Variants in DPP6 observed in about 807,000 individuals in gnomAD.
The protein encoded by DPP6 is dipeptidyl peptidase like 6.
A neutral mutation model predicts 122.6 loss-of-function variants in DPP6; 69 were observed. That is an observed-to-expected ratio of 0.56 (90% CI 0.46 to 0.69). DPP6 has a LOEUF of 0.69. DPP6 is among the 30% of genes least tolerant of loss of function. The pLI is 0.00. For synonymous variants in DPP6, 418 were observed against 433.1 expected (o/e 0.97, Z 0.43); for missense variants, 928 against 1,116.9 (o/e 0.83, Z 2.41).
At chr7:153,859,991 G>T in the DPP6 span, among the ~76,000 whole-genome samples, 1 of 152,128 alleles carries the variant, frequency 6.6e-6, no homozygotes, top group Non-Finnish European at 1.5e-5. Context: ...GTGGGAACAC[G>T]GAGCCAAACC....
intron 1 of DPP6, among the ~76,000 whole-genome samples, chr7:154,127,634 GACAC>G (rs1045351086): frequency 2.9e-3 from 174 of 59,688 alleles, no homozygotes; most frequent in African/African-American, 6.2e-3. Context: ...CACACACACA[GACAC>G]ACACACACAC....
chr7:154,360,937 G>A (rs1027992352), intron 1 of DPP6, among the ~76,000 whole-genome samples: 2 of 152,196 alleles, frequency 1.3e-5, no homozygotes, highest in Admixed American at 6.5e-5. Context: ...CCTACGAGAA[G>A]ATTTGAGTGT....
intron 1 of DPP6, among the ~76,000 whole-genome samples, chr7:154,319,270 T>C (rs1396795039): frequency 1.3e-5 from 2 of 152,164 alleles, no homozygotes; most frequent in Non-Finnish European, 2.9e-5. Flanking sequence ...ATTGTTTTGC[T>C]CTAACACAGG....
At chr7:154,348,604 T>C (rs1319196562) in intron 1 of DPP6, among the ~76,000 whole-genome samples, 2 of 152,182 alleles carry the variant, frequency 1.3e-5, no homozygotes, top group Non-Finnish European at 2.9e-5. Context: ...TTGCACAGCA[T>C]CTTCATCTCA....
At chr7:154,716,960 A>G (rs139608550) in intron 7 of DPP6, among the ~76,000 whole-genome samples, 3 of 151,984 alleles carry the variant, frequency 2.0e-5, no homozygotes, top group Non-Finnish European at 4.4e-5. Flanking sequence ...CAGCCTCCCA[A>G]GTAACTGGGA....
At chr7:153,839,359 A>G in the DPP6 span, among the ~76,000 whole-genome samples, 3 of 152,216 alleles carry the variant, frequency 2.0e-5, no homozygotes, top group Non-Finnish European at 4.4e-5. Context: ...GAGGTTTCAC[A>G]CATTATTTCT....
chr7:154,748,222 A>G (rs897420841), intron 8 of DPP6, among the ~76,000 whole-genome samples: 1 of 152,184 alleles, frequency 6.6e-6, no homozygotes, highest in African/African-American at 2.4e-5. Context: ...GGGTGTTGGG[A>G]GTCGGCTTGC....
chr7:153,820,148 G>T, the DPP6 span, among the ~76,000 whole-genome samples: 4 of 152,142 alleles, frequency 2.6e-5, no homozygotes, highest in Non-Finnish European at 4.4e-5. Context: ...AGGTTCCTTT[G>T]TGATTTTGGA....
chr7:153,948,530 C>T (rs11972401), intron 1 of DPP6, among the ~76,000 whole-genome samples: 24,901 of 151,770 alleles, frequency 0.16, 2,231 homozygotes, highest in African/African-American at 0.24. Context: ...TTCCAGGCTC[C>T]GACCAAAACA....
chr7:154,105,927 C>T (rs921476815), intron 1 of DPP6, among the ~76,000 whole-genome samples: 5 of 149,886 alleles, frequency 3.3e-5, no homozygotes, highest in African/African-American at 1.3e-4. Flanking sequence ...GCAGGCTCTT[C>T]AGGGCATGGC....
chr7:153,933,717 A>ACG (rs1490334682), intron 1 of DPP6, among the ~76,000 whole-genome samples: 6 of 151,124 alleles, frequency 4.0e-5, no homozygotes, highest in African/African-American at 1.2e-4. Context: ...ACACACACAC[A>ACG]CCTGCATAGA....
intron 1 of DPP6, among the ~76,000 whole-genome samples, chr7:154,140,521 A>T (rs1335268903): frequency 6.6e-6 from 1 of 152,126 alleles, no homozygotes; most frequent in Non-Finnish European, 1.5e-5. Context: ...AGGTCTCACT[A>T]TGTTGCCCAG....
the DPP6 span, among the ~76,000 whole-genome samples, chr7:153,783,109 G>T: frequency 6.6e-6 from 1 of 152,200 alleles, no homozygotes; most frequent in African/African-American, 2.4e-5. Flanking sequence ...TACAAAGCCA[G>T]TGTAAAGTGT....
At chr7:154,086,502 C>G (rs1362237974) in intron 1 of DPP6, among the ~76,000 whole-genome samples, 1 of 149,178 alleles carries the variant, frequency 6.7e-6, no homozygotes, top group Non-Finnish European at 1.5e-5. Context: ...CTTTCTCATT[C>G]TGTTCCATCT....
In DPP6 at chr7:154,445,303, G is replaced by A. The variant is rs188532083; in HGVS notation, c.244-911G>A. On this transcript the variant is annotated intron_variant, in intron 1 of 25. Coordinates refer to ENST00000377770, the MANE Select transcript of DPP6 (RefSeq NM_130797.4). ...TGACCATCTGTCCTTATTTGTTCCTGTATAATTAATAATAATCCATGTGTA... is the reference window on the plus strand; with the variant it reads ...TGACCATCTGTCCTTATTTGTTCCTATATAATTAATAATAATCCATGTGTA... Among the ~76,000 whole-genome samples the A allele has an allele frequency of 3.9e-5, 6 of 152,224 alleles. No homozygotes were observed. In the East Asian group the frequency reaches 9.7e-4, roughly 25 times the overall value.
the DPP6 span, among the ~76,000 whole-genome samples, chr7:153,748,960 C>T: frequency 6.6e-6 from 1 of 151,932 alleles, no homozygotes; most frequent in African/African-American, 2.4e-5. Flanking sequence ...TGAATCAAAC[C>T]GCAGGAGTCT....
At chr7:154,499,119 C>T (rs1825002084) in intron 3 of DPP6, among the ~76,000 whole-genome samples, 1 of 152,148 alleles carries the variant, frequency 6.6e-6, no homozygotes, top group African/African-American at 2.4e-5. Context: ...ATATTTTTAT[C>T]TGGACATATT....
intron 1 of DPP6, among the ~76,000 whole-genome samples, chr7:154,016,401 T>TTA (rs1277896628): frequency 2.2e-4 from 32 of 146,464 alleles, no homozygotes; most frequent in African/African-American, 7.6e-4. Flanking sequence ...GTAGGTTTAT[T>TTA]TTTTTTTTTT....
intron 5 of DPP6, among the ~76,000 whole-genome samples, chr7:154,627,039 A>G (rs1390862085): frequency 1.1e-5 from 1 of 95,088 alleles, no homozygotes; most frequent in African/African-American, 4.1e-5. Context: ...TTTGAGACAG[A>G]GTCTCACTCT....
Sources: allele counts gnomAD v4.1 joint callset (sites outside exome capture counted in the v4.1 genomes callset), GRCh38; gene constraint gnomAD v4.1.1; transcripts MANE v1.5; gene names NCBI Gene and HGNC (gene_info 2026-07-23, HGNC 2026-07-21).